The following KLRG2 variants were observed in gnomAD, a reference collection of about 807,000 sequenced individuals.
KLRG2 encodes killer cell lectin-like receptor subfamily G member 2.
A neutral mutation model predicts 35.4 loss-of-function variants in KLRG2; 39 were observed. That is an observed-to-expected ratio of 1.10 (90% CI 0.85 to 1.44). KLRG2 has a LOEUF of 1.44. KLRG2 is among the 40% of genes most tolerant of loss of function. KLRG2 has a pLI of 0.00. For missense variants in KLRG2, 632 were observed against 570.9 expected, an observed-to-expected ratio of 1.11 and a Z score of -1.09; for synonymous variants, 283 against 265.8, an observed-to-expected ratio of 1.06 and a Z score of -0.63.
chr7:139,480,836 T>G (rs1443334068), intron 1 of KLRG2, among the ~76,000 whole-genome samples: 1 of 147,794 alleles, frequency 6.8e-6, no homozygotes, highest in Admixed American at 6.9e-5. Context: ...CTCCACCTCC[T>G]GGGTTCAAGC....
At chr7:139,478,070 A>AC (rs1221526533) in intron 3 of KLRG2, among the ~76,000 whole-genome samples, 2 of 140,274 alleles carry the variant, frequency 1.4e-5, no homozygotes, top group African/African-American at 5.1e-5. Context: ...CAATTTTTTT[A>AC]AATGGGGAAA....
intron 3 of KLRG2, among the ~76,000 whole-genome samples, chr7:139,467,864 A>C (rs58368768): frequency 0.11 from 16,661 of 151,176 alleles, 1,535 homozygotes; most frequent in East Asian, 0.42. Flanking sequence ...AAGAGGAAGG[A>C]ATGCCTCTTT....
chr7:139,467,214 C>A (rs1796675346), intron 3 of KLRG2, among the ~76,000 whole-genome samples: 1 of 152,066 alleles, frequency 6.6e-6, no homozygotes, highest in African/African-American at 2.4e-5. Context: ...TCCATATCAC[C>A]CCCCAAAATT....
At chr7:139,463,854 C>T (rs759757557) in intron 3 of KLRG2, among the ~76,000 whole-genome samples, 22 of 152,160 alleles carry the variant, frequency 1.4e-4, no homozygotes, top group Non-Finnish European at 5.9e-5. Flanking sequence ...CCATCCCCTT[C>T]TTAATCAATA....
chr7:139,428,231 A>G, the KLRG2 span, among the ~76,000 whole-genome samples: 3 of 152,160 alleles, frequency 2.0e-5, no homozygotes, highest in Non-Finnish European at 2.9e-5. Context: ...ATAACATGGT[A>G]TATAGGAGTT....
At chr7:139,482,443 A>G (rs1474112728) in intron 1 of KLRG2, among the ~76,000 whole-genome samples, 5 of 151,402 alleles carry the variant, frequency 3.3e-5, no homozygotes, top group Admixed American at 2.0e-4. Flanking sequence ...CCCAGGCTGG[A>G]GTACAATGGC....
chr7:139,441,930 G>A, the KLRG2 span, among the ~76,000 whole-genome samples: 1 of 152,166 alleles, frequency 6.6e-6, no homozygotes, highest in African/African-American at 2.4e-5. Context: ...CCCCAAAGCA[G>A]TAAGGAGAAC....
Position 139,466,755 on chromosome 7 carries a change from A to AAATAAAAT in KLRG2, c.1006-12542_1006-12541insATTTTATT, listed in dbSNP as rs1554404155. ...CTGCTAAAAATAAAATAAAAAAAAT[A>AAATAAAAT]AAAAAAGGGGGGGGTACTCTGTATA... On this transcript the variant is annotated intron_variant, in intron 3 of 4. Coordinates refer to ENST00000340940, the MANE Select transcript of KLRG2 (RefSeq NM_198508.4). 1.5e-4 allele frequency among the ~76,000 whole-genome samples: 23 copies of AAATAAAAT among 150,320 alleles called. No individual in the cohort carries two copies. In the East Asian group the frequency reaches 3.6e-3, roughly 23 times the overall value.
chr7:139,472,926 GACGA>G (rs1796784232), intron 3 of KLRG2, among the ~76,000 whole-genome samples: 3 of 152,206 alleles, frequency 2.0e-5, no homozygotes, highest in Non-Finnish European at 4.4e-5. Context: ...TATTCGGAAA[GACGA>G]ACCACAGAGG....
intron 3 of KLRG2, among the ~76,000 whole-genome samples, chr7:139,477,409 G>T (rs930285970): frequency 3.9e-5 from 6 of 152,158 alleles, no homozygotes; most frequent in African/African-American, 1.2e-4. Flanking sequence ...AAAAGGAAGG[G>T]AATTCTCATA....
At chr7:139,472,491 T>C (rs1368278734) in intron 3 of KLRG2, among the ~76,000 whole-genome samples, 1 of 151,148 alleles carries the variant, frequency 6.6e-6, no homozygotes, top group Non-Finnish European at 1.5e-5. Context: ...ATGTCTGTAA[T>C]CCCAGCACTT....
At chr7:139,458,612 G>GTC (rs1796516863) in intron 3 of KLRG2, among the ~76,000 whole-genome samples, 1 of 152,112 alleles carries the variant, frequency 6.6e-6, no homozygotes, top group Non-Finnish European at 1.5e-5. Context: ...CTTCATCCAT[G>GTC]TCTGTTTTAA....
At chr7:139,474,335 A>G (rs1796812260) in intron 3 of KLRG2, among the ~76,000 whole-genome samples, 1 of 152,150 alleles carries the variant, frequency 6.6e-6, no homozygotes, top group Admixed American at 6.5e-5. Flanking sequence ...CTTGGCTCAG[A>G]CTTCTTAATG....
downstream of KLRG2, among the ~76,000 whole-genome samples, chr7:139,448,278 G>A (rs968666729): frequency 1.3e-5 from 2 of 152,096 alleles, no homozygotes; most frequent in East Asian, 1.9e-4. Flanking sequence ...TTACAGGTGT[G>A]AGCCACCACA....
rs552500100 is a variant in KLRG2, at chr7:139,453,368, T to C, written c.*219A>G. 2.3e-4 allele frequency: 128 copies of C among 552,186 alleles called. 1 individual carries two copies. The Admixed American group carries it at 3.8e-3, about 16-fold the overall frequency. The allele number at this position is 552,186 out of a possible 1,614,324, so 34.2% of individuals were successfully genotyped here. ...CATCCACAGAAGCTGGAGACTAATA[T>C]TGGCACTCAGGCCTGAGGCCATAGA... On this transcript the variant is annotated 3_prime_UTR_variant, in exon 5 of 5. Transcript: ENST00000340940.
At chr7:139,476,276 G>A (rs960191613) in intron 3 of KLRG2, among the ~76,000 whole-genome samples, 7 of 152,162 alleles carry the variant, frequency 4.6e-5, no homozygotes, top group African/African-American at 9.6e-5. Context: ...AAAGACATGC[G>A]ACCTAGGAAA....
At chr7:139,441,366 CA>C in the KLRG2 span, among the ~76,000 whole-genome samples, 1 of 151,876 alleles carries the variant, frequency 6.6e-6, no homozygotes, top group Non-Finnish European at 1.5e-5. Flanking sequence ...GCAACTGTCA[CA>C]AGGACAGAAA....
chr7:139,453,591 TG>T lies in KLRG2; in HGVS notation c.1225del (p.Gln409SerfsTer24). The T allele has an allele frequency of 6.3e-7, 1 of 1,597,306 alleles. No individual in the cohort carries two copies. The highest frequency in any genetic ancestry group is 8.5e-7 in the Non-Finnish European group (1 of 1,172,112). On this transcript the variant is annotated frameshift_variant, in exon 5 of 5. Transcript: ENST00000340940. LOFTEE classifies it high-confidence loss of function. ...PRPWVCAKGT[Q>X] ...GAGGACCAGGCAGAGCCCAGATCAC[TG>T]GGTCCCCTTGGCACAGACCCAGGGT...
chr7:139,465,657 A>G (rs1290049006), intron 3 of KLRG2, among the ~76,000 whole-genome samples: 1 of 148,066 alleles, frequency 6.8e-6, no homozygotes, highest in Non-Finnish European at 1.5e-5. Flanking sequence ...GCACCACTGC[A>G]CTCCAGCCTG....
Sources: allele counts gnomAD v4.1 joint callset (sites outside exome capture counted in the v4.1 genomes callset), GRCh38; gene constraint gnomAD v4.1.1; transcripts MANE v1.5; gene names NCBI Gene and HGNC (gene_info 2026-07-23, HGNC 2026-07-21).